The following ZFHX4 variants were observed in gnomAD, a reference collection of about 807,000 sequenced individuals.
ZFHX4 encodes the protein zinc finger homeobox protein 4.
A neutral mutation model predicts 267.6 loss-of-function variants in ZFHX4; 56 were observed. That is an observed-to-expected ratio of 0.21 (90% CI 0.17 to 0.26). ZFHX4 has a LOEUF of 0.26. Ranked by LOEUF, ZFHX4 falls within the 10% of genes least tolerant of loss-of-function variation. ZFHX4 has a pLI of 1.00. For missense variants in ZFHX4, 4,332 were observed against 4,420.0 expected (o/e 0.98, Z 0.56); for synonymous variants, 1,778 against 1,665.6 (o/e 1.07, Z -1.64).
chr8:76,836,843 G>T (rs1029587830), intron 5 of ZFHX4, among the ~76,000 whole-genome samples: 4 of 152,078 alleles, frequency 2.6e-5, no homozygotes, highest in Admixed American at 2.6e-4. Context: ...TAAAGGTACT[G>T]GCAGGGAAAA....
intron 3 of ZFHX4, among the ~76,000 whole-genome samples, chr8:76,708,866 A>G (rs968681557): frequency 2.0e-5 from 3 of 152,210 alleles, no homozygotes; most frequent in Non-Finnish European, 4.4e-5. Flanking sequence ...TACAAATATA[A>G]CACATTCATT....
chr8:76,853,787 C>A lies in ZFHX4; in HGVS notation c.6866C>A (p.Ala2289Glu). ...QKARKSYENQ[A>E]ETKDNEKREL... ...GCACGAAAGAGTTATGAGAATCAAG[C>A]AGAAACAAAAGATAATGAAAAAAGA... The change falls in exon 10 of 11, where the codon GCA becomes GAA. Residue 2289 changes from alanine (A) to glutamate (E), a missense_variant. This residue lies in a region of ZFHX4 where 1,648 missense variants were observed against 1,625.0 expected (regional missense o/e 1.01). Coordinates refer to ENST00000651372, the MANE Select transcript of ZFHX4 (RefSeq NM_024721.5). 1 of 1,613,554 alleles carries A rather than the reference C, an allele frequency of 6.2e-7. No homozygotes were observed. The highest frequency in any genetic ancestry group is 8.5e-7 in the Non-Finnish European group (1 of 1,179,736).
chr8:76,683,921 G>T (rs965618724), intron 1 of ZFHX4: 1 of 151,828 alleles, frequency 6.6e-6, no homozygotes, highest in African/African-American at 2.4e-5. Context: ...GGCATCGATC[G>T]CTTCCATTGA....
chr8:76,791,919 A>G (rs975345610), intron 4 of ZFHX4, among the ~76,000 whole-genome samples: 4 of 152,182 alleles, frequency 2.6e-5, no homozygotes, highest in African/African-American at 9.6e-5. Context: ...ACTCATGAAT[A>G]TGCATCATGA....
At chr8:76,760,030 T>C (rs941435066) in intron 3 of ZFHX4, among the ~76,000 whole-genome samples, 6 of 152,200 alleles carry the variant, frequency 3.9e-5, no homozygotes, top group Admixed American at 3.9e-4. Flanking sequence ...TTTTGGCAAT[T>C]TAAGCAATCA....
At position 76,853,090 on chromosome 8, in the gene ZFHX4, C is replaced by G; in HGVS notation, c.6169C>G (p.Pro2057Ala). ...PPPPPPPPPP[P>A]PPPPSAPPQV... The stretch of plus-strand genomic sequence containing the variant: ...TCCTCCTCCTCCTCCTCCTCCCCCC[C>G]CACCTCCTCCACCTTCTGCTCCTCC... Residue 2057 changes from proline (P) to alanine (A), a missense_variant, in exon 10 of 11, where the codon CCA (proline) becomes GCA (alanine). By Grantham distance (27) the Pro-to-Ala change is conservative. Around this residue, in one of 7 missense-constraint regions of ZFHX4, gnomAD observed 1,371 missense variants for 1,423.1 expected, o/e 0.96. Coordinates refer to ENST00000651372, the MANE Select transcript of ZFHX4 (RefSeq NM_024721.5). 2 of 1,490,330 alleles carry G rather than the reference C, an allele frequency of 1.3e-6. No homozygotes were observed. Among genetic ancestry groups the G allele is most frequent in the African/African-American group, 1.4e-5 (1 of 70,786 alleles). The allele number at this position is 1,490,330 out of a possible 1,614,324, so 92.3% of individuals were successfully genotyped here. A position where few individuals can be genotyped will look rare whatever the true frequency, so the allele number is the denominator to read the frequency against.
intron 10 of ZFHX4, among the ~76,000 whole-genome samples, chr8:76,858,143 A>G (rs763553373): frequency 6.6e-6 from 1 of 152,200 alleles, no homozygotes; most frequent in Non-Finnish European, 1.5e-5. Flanking sequence ...CCTTCTGCCA[A>G]CTGCTCTTTG....
At chr8:76,702,963 G>GACACAC (rs33934020) in intron 1 of ZFHX4, among the ~76,000 whole-genome samples, 3,951 of 147,654 alleles carry the variant, frequency 0.027, 172 homozygotes, top group East Asian at 0.22. Context: ...TCTCAGGCAA[G>GACACAC]ACACACACAC....
chr8:76,866,519 G>A lies in ZFHX4; in HGVS notation c.*1954G>A, dbSNP rs1167891691. 2.7e-5 allele frequency: 4 copies of A among 147,560 alleles called. No individual in the cohort carries two copies. The highest frequency in any genetic ancestry group is 2.0e-4 in the East Asian group (1 of 5,056). 9.1% of individuals were successfully genotyped at this position (147,560 alleles called of 1,614,324 possible). On this transcript the variant is annotated 3_prime_UTR_variant, in exon 11 of 11. Transcript: ENST00000651372. Reference sequence around the variant, plus strand: ...TAATCCTGAAGACACTTTTTTGATTGTGTTTCGTAAGAGACAACATGGCCT... The same window carrying A: ...TAATCCTGAAGACACTTTTTTGATTATGTTTCGTAAGAGACAACATGGCCT...
chr8:76,718,409 G>T (rs1808633371), intron 3 of ZFHX4, among the ~76,000 whole-genome samples: 1 of 151,900 alleles, frequency 6.6e-6, no homozygotes, highest in Non-Finnish European at 1.5e-5. Context: ...GGCAATTTCT[G>T]GTTTATTATT....
chr8:76,728,813 C>A (rs932426386), intron 3 of ZFHX4, among the ~76,000 whole-genome samples: 2 of 152,092 alleles, frequency 1.3e-5, no homozygotes, highest in African/African-American at 4.8e-5. Flanking sequence ...TTTGTGTTGA[C>A]TCTTTAAATA....
intron 4 of ZFHX4, among the ~76,000 whole-genome samples, chr8:76,821,566 T>G (rs559182756): frequency 4.0e-5 from 6 of 151,654 alleles, no homozygotes; most frequent in African/African-American, 1.5e-4. Flanking sequence ...TACCACATCC[T>G]CTCTTGGTTT....
intron 1 of ZFHX4, chr8:76,703,473 AAGC>A (rs1449811685): frequency 6.6e-6 from 1 of 152,290 alleles, no homozygotes; most frequent in African/African-American, 2.4e-5. Context: ...GATTTGTAGT[AAGC>A]TGATTTACTG....
chr8:76,826,987 T>A (rs1811801931), intron 4 of ZFHX4, among the ~76,000 whole-genome samples: 2 of 152,196 alleles, frequency 1.3e-5, no homozygotes, highest in African/African-American at 4.8e-5. Context: ...TAGGGATCAG[T>A]TCCTATGCTG....
intron 3 of ZFHX4, among the ~76,000 whole-genome samples, chr8:76,709,202 T>G (rs1439260600): frequency 1.3e-5 from 2 of 152,198 alleles, no homozygotes; most frequent in African/African-American, 4.8e-5. Context: ...TTGGGTTGTT[T>G]CTTGAAGTTG....
intron 3 of ZFHX4, among the ~76,000 whole-genome samples, chr8:76,737,280 T>A (rs1321968642): frequency 6.6e-6 from 1 of 152,192 alleles, no homozygotes; most frequent in Non-Finnish European, 1.5e-5. Flanking sequence ...TTAAAAAATA[T>A]TTCGACTTTA....
In ZFHX4 at chr8:76,863,924, A is replaced by G. The variant is rs373403353; in HGVS notation, c.10210A>G (p.Ile3404Val). ...YVVPFVKYEF[I>V]CRKCQMMFTD... Reference sequence around the variant, plus strand: ...TGTTCCATTCGTCAAGTATGAGTTTATATGCAGAAAGTGCCAGATGATGTT... The same window carrying G: ...TGTTCCATTCGTCAAGTATGAGTTTGTATGCAGAAAGTGCCAGATGATGTT... Residue 3404 changes from isoleucine to valine, a missense_variant, in exon 11 of 11, where the codon ATA becomes GTA. Ile to Val is a conservative substitution (Grantham distance 29). Coordinates refer to ENST00000651372, the MANE Select transcript of ZFHX4 (RefSeq NM_024721.5). 3.8e-6 allele frequency: 6 copies of G among 1,595,240 alleles called. No individual in the cohort carries two copies. Among genetic ancestry groups the G allele is most frequent in the Non-Finnish European group, 5.1e-6 (6 of 1,170,184 alleles).
In ZFHX4 at chr8:76,736,150, T is replaced by TA. The variant is rs972761418; in HGVS notation, c.3093+28113dup. Among the ~76,000 whole-genome samples, 735 of 146,482 alleles carry TA rather than the reference T, an allele frequency of 5.0e-3. 3 individuals carry two copies. The highest frequency in any genetic ancestry group is 0.012 in the African/African-American group (482 of 40,240). ...ATCCTTTAGGGCTTAGAACATAATT[T>TA]AAAAAAAAAAACTGACTTTAACCTA... On this transcript the variant is annotated intron_variant, in intron 3 of 10. Coordinates refer to ENST00000651372, the MANE Select transcript of ZFHX4 (RefSeq NM_024721.5).
chr8:76,760,998 T>C lies in ZFHX4; in HGVS notation c.3094-17210T>C, dbSNP rs548528235. On this transcript the variant is annotated intron_variant, in intron 3 of 10. Transcript: ENST00000651372. ...TCTCTATTGAGAGCCAGTTAGTTAC[T>C]AAACACATTTCTTAGGTGGGGTTCA... 6.0e-5 allele frequency among the ~76,000 whole-genome samples: 9 copies of C among 149,768 alleles called. No individual in the cohort carries two copies. The South Asian group carries it at 1.9e-3, about 32-fold the overall frequency.
Sources: allele counts gnomAD v4.1 joint callset (sites outside exome capture counted in the v4.1 genomes callset), GRCh38; gene constraint gnomAD v4.1.1; regional missense constraint gnomAD v4.1.1; transcripts MANE v1.5; gene names NCBI Gene and HGNC (gene_info 2026-07-23, HGNC 2026-07-21).